The following PARVA variants were observed in gnomAD, a reference collection of about 807,000 sequenced individuals.
PARVA encodes parvin alpha.
A neutral mutation model predicts 52.6 loss-of-function variants in PARVA; 25 were observed. The ratio of observed to expected loss-of-function variants is 0.48; its 90% CI spans 0.35 to 0.66. The LOEUF (loss-of-function observed/expected upper bound fraction) is 0.66, where lower values mean the gene tolerates loss of function less well. Among genes scored for constraint, PARVA ranks in the 30% least tolerant of loss-of-function variants. The pLI is 0.01. For missense variants in PARVA, 373 were observed against 450.9 expected, an observed-to-expected ratio of 0.83 and a Z score of 1.56; for synonymous variants, 185 against 179.1, an observed-to-expected ratio of 1.03 and a Z score of -0.26.
intron 1 of PARVA, among the ~76,000 whole-genome samples, chr11:12,380,355 T>G (rs950474939): frequency 6.6e-6 from 1 of 150,510 alleles, no homozygotes; most frequent in Non-Finnish European, 1.5e-5. Context: ...GGAAGCAAAT[T>G]GGAACCTATT....
chr11:12,413,568 A>G (rs1252099992), intron 1 of PARVA, among the ~76,000 whole-genome samples: 1 of 150,104 alleles, frequency 6.7e-6, no homozygotes, highest in Non-Finnish European at 1.5e-5. Flanking sequence ...AAGCAGTGTT[A>G]TGATGGAACC....
rs1564865018 is a variant in PARVA at position 12,504,792 on chromosome 11, T to TGTGTGTGTGTGA, written c.657+364_657+365insTGTGTGTGTGAG. On this transcript the variant is annotated intron_variant, in intron 6 of 12. Coordinates refer to ENST00000334956, the MANE Select transcript of PARVA (RefSeq NM_018222.5). Reference sequence around the variant, plus strand: ...GTATGTGGGTGTGTGTGTGTGTGTGTGAGTTTGTGTACAGGAGTGTACAGG... The same window carrying TGTGTGTGTGTGA: ...GTATGTGGGTGTGTGTGTGTGTGTGTGTGTGTGTGTGAGAGTTTGTGTACAGGAGTGTACAGG... 1.8e-3 allele frequency among the ~76,000 whole-genome samples: 276 copies of TGTGTGTGTGTGA among 151,706 alleles called. 1 individual carries two copies. Among genetic ancestry groups the TGTGTGTGTGTGA allele is most frequent in the African/African-American group, 6.4e-3 (263 of 41,308 alleles).
chr11:12,432,022 C>T (rs1460451307), intron 1 of PARVA, among the ~76,000 whole-genome samples: 1 of 152,154 alleles, frequency 6.6e-6, no homozygotes, highest in African/African-American at 2.4e-5. Flanking sequence ...CTCCTTTCTC[C>T]AAAAGGGAAG....
At chr11:12,443,169 CTTT>C (rs1180380526) in intron 1 of PARVA, among the ~76,000 whole-genome samples, 1 of 78,326 alleles carries the variant, frequency 1.3e-5, no homozygotes. Flanking sequence ...CGCCCCCCTT[CTTT>C]TTTTTTTTTT....
intron 1 of PARVA, among the ~76,000 whole-genome samples, chr11:12,397,326 T>C (rs1209600473): frequency 6.6e-6 from 1 of 152,206 alleles, no homozygotes; most frequent in African/African-American, 2.4e-5. Flanking sequence ...GCCTCTCCAG[T>C]AGCTGGGGCT....
rs542851300 is a variant in PARVA, at chr11:12,449,664, A to C, written c.137-24081A>C. Reference sequence around the variant, plus strand: ...TCTCCATGGGGGTGACTTTGCTCCCACCAGCCTCTCCTCCGGGGAACACTA... The same window carrying C: ...TCTCCATGGGGGTGACTTTGCTCCCCCCAGCCTCTCCTCCGGGGAACACTA... On this transcript the variant is annotated intron_variant, in intron 1 of 12. Transcript: ENST00000334956. Among the ~76,000 whole-genome samples the C allele has an allele frequency of 2.6e-3, 392 of 152,246 alleles. 3 individuals carry two copies. Among genetic ancestry groups the C allele is most frequent in the Middle Eastern group, 0.01 (3 of 294 alleles).
At chr11:12,433,973 A>C (rs1478903305) in intron 1 of PARVA, among the ~76,000 whole-genome samples, 1 of 152,186 alleles carries the variant, frequency 6.6e-6, no homozygotes, top group African/African-American at 2.4e-5. Context: ...GTTTCTCTCC[A>C]ACACGCCTGA....
chr11:12,500,075 G>C (rs1173999588), intron 5 of PARVA, among the ~76,000 whole-genome samples: 1 of 152,104 alleles, frequency 6.6e-6, no homozygotes, highest in African/African-American at 2.4e-5. Flanking sequence ...AAATACCTAA[G>C]AGTGGTATGT....
chr11:12,483,876 A>G (rs993283881), intron 4 of PARVA, among the ~76,000 whole-genome samples: 1 of 152,136 alleles, frequency 6.6e-6, no homozygotes, highest in East Asian at 1.9e-4. Context: ...CCCTTTCCAA[A>G]CCTCAGAGCA....
chr11:12,521,423 A>G (rs2135087086), intron 12 of PARVA, among the ~76,000 whole-genome samples: 1 of 152,360 alleles, frequency 6.6e-6, no homozygotes, highest in East Asian at 1.9e-4. Flanking sequence ...AAATTGCTAG[A>G]ACCATTTTAT....
intron 3 of PARVA, among the ~76,000 whole-genome samples, chr11:12,476,394 A>G (rs1941014398): frequency 6.6e-6 from 1 of 152,074 alleles, no homozygotes; most frequent in African/African-American, 2.4e-5. Flanking sequence ...CTTTCAGATG[A>G]AGGTTTGAGG....
intron 1 of PARVA, among the ~76,000 whole-genome samples, chr11:12,438,340 G>C (rs372026167): frequency 1.3e-5 from 2 of 152,026 alleles, no homozygotes; most frequent in African/African-American, 4.8e-5. Context: ...CAAGATTGAG[G>C]GGCTTCATCT....
At chr11:12,429,702 C>T (rs4633452) in intron 1 of PARVA, among the ~76,000 whole-genome samples, 31,333 of 152,050 alleles carry the variant, frequency 0.21, 3,591 homozygotes, top group Non-Finnish European at 0.25. Flanking sequence ...TATTTTTCAT[C>T]TTTGTATCTA....
At position 12,532,074 on chromosome 11, in the gene PARVA, G is replaced by C. The variant is rs752999026; in HGVS notation, c.*4149G>C. Among the ~76,000 whole-genome samples the C allele has an allele frequency of 1.3e-5, 2 of 152,182 alleles. No homozygotes were observed. Among genetic ancestry groups the C allele is most frequent in the Non-Finnish European group, 2.9e-5 (2 of 68,040 alleles). On this transcript the variant is annotated 3_prime_UTR_variant, in exon 13 of 13. Transcript: ENST00000334956. ...TGCTTATAGCCCATGCTTTACTACA[G>C]TGGTGGTCGCATATGTGAACGTGTG...
chr11:12,489,487 T>C (rs986193711), intron 4 of PARVA, among the ~76,000 whole-genome samples: 1 of 152,068 alleles, frequency 6.6e-6, no homozygotes, highest in African/African-American at 2.4e-5. Flanking sequence ...TTTGAAAACA[T>C]AGAGGTTAGT....
intron 5 of PARVA, among the ~76,000 whole-genome samples, chr11:12,498,563 C>A (rs1941327396): frequency 7.2e-6 from 1 of 139,480 alleles, no homozygotes; most frequent in Non-Finnish European, 1.5e-5. Context: ...TTGGTCAGGT[C>A]ATATACACTT....
chr11:12,496,345 AGAGTGCATGCATGCAT>A (rs3833773), intron 4 of PARVA, 97 bp from the exon 5 acceptor site: 53 of 862,162 alleles, frequency 6.1e-5, no homozygotes, highest in Non-Finnish European at 8.2e-5. Flanking sequence ...TATTGTTGCA[AGAGTGCATGCATGCAT>A]GAGTGCATGA....
chr11:12,500,014 T>C (rs1407721026), intron 5 of PARVA, among the ~76,000 whole-genome samples: 1 of 152,132 alleles, frequency 6.6e-6, no homozygotes, highest in African/African-American at 2.4e-5. Flanking sequence ...CTGATATCAA[T>C]ACAGCTGGAT....
At chr11:12,452,875 C>G in intron 1 of PARVA, 2 of 364,098 alleles carry the variant, frequency 5.5e-6, no homozygotes, top group South Asian at 4.1e-5. Flanking sequence ...GCATTCTCTT[C>G]GGGAAGCATT....
Sources: gnomAD v4.1 joint callset for allele counts (sites outside exome capture counted in the v4.1 genomes callset) on GRCh38, gnomAD v4.1.1 for gene constraint, MANE v1.5 for transcripts, NCBI Gene and HGNC (gene_info 2026-07-23, HGNC 2026-07-21) for gene names.